Variants in PCBP3 observed in about 807,000 individuals in gnomAD.
PCBP3 encodes poly(rC)-binding protein 3.
In PCBP3, 25 loss-of-function variants were observed where a neutral mutation model predicts 52.7. The observed-to-expected ratio is 0.47, with a 90% CI of 0.35 to 0.66. The LOEUF (loss-of-function observed/expected upper bound fraction) is 0.66, where lower values mean the gene tolerates loss of function less well. Ranked by LOEUF, PCBP3 falls within the 30% of genes least tolerant of loss-of-function variation. The pLI, the probability that PCBP3 is intolerant of heterozygous loss-of-function variation, is 0.01. For missense variants in PCBP3, 391 were observed against 490.3 expected (o/e 0.80, Z 1.91); for synonymous variants, 162 against 183.0 (o/e 0.89, Z 0.93).
At chr21:45,913,012 A>G (rs1032573734) in intron 11 of PCBP3, among the ~76,000 whole-genome samples, 7 of 152,128 alleles carry the variant, frequency 4.6e-5, no homozygotes, top group African/African-American at 1.4e-4. Context: ...TCCCAGCAGG[A>G]CAGGCTGCCC....
At chr21:45,752,201 G>A (rs547333517) in intron 3 of PCBP3, among the ~76,000 whole-genome samples, 6 of 152,002 alleles carry the variant, frequency 3.9e-5, no homozygotes, top group Non-Finnish European at 7.4e-5. Flanking sequence ...AGATTAAAGA[G>A]GAAATTACTC....
At chr21:45,804,510 G>A (rs1035928082) in intron 4 of PCBP3, among the ~76,000 whole-genome samples, 1 of 152,148 alleles carries the variant, frequency 6.6e-6, no homozygotes, top group Admixed American at 6.5e-5. Context: ...TCTTGGGGGA[G>A]ATGTTTGGTG....
intron 4 of PCBP3, among the ~76,000 whole-genome samples, chr21:45,769,655 C>T (rs577823741): frequency 1.1e-4 from 17 of 152,222 alleles, no homozygotes; most frequent in Non-Finnish European, 1.5e-4. Flanking sequence ...TGCCTCTGCC[C>T]CACCCATGGT....
intron 5 of PCBP3, among the ~76,000 whole-genome samples, chr21:45,850,527 C>T (rs1408024300): frequency 1.3e-5 from 2 of 152,162 alleles, no homozygotes; most frequent in Admixed American, 6.5e-5. Context: ...TGATACCCTG[C>T]AGACATTAGT....
At chr21:45,761,418 T>C (rs1237147773) in intron 4 of PCBP3, 1 of 152,276 alleles carries the variant, frequency 6.6e-6, no homozygotes, top group East Asian at 1.9e-4. Flanking sequence ...TCGCAAGCTG[T>C]GTCCATTTTA....
At chr21:45,815,921 AGT>A (rs1430813252) in intron 4 of PCBP3, among the ~76,000 whole-genome samples, 1 of 102,378 alleles carries the variant, frequency 9.8e-6, no homozygotes, top group Non-Finnish European at 1.9e-5. Context: ...GTGAGTGATG[AGT>A]GAGTGGTGAG....
chr21:45,779,171 T>G (rs759170833), intron 4 of PCBP3, among the ~76,000 whole-genome samples: 2 of 152,258 alleles, frequency 1.3e-5, no homozygotes, highest in Non-Finnish European at 2.9e-5. Flanking sequence ...TTGAAAATGG[T>G]GCCTTGCTGT....
intron 3 of PCBP3, among the ~76,000 whole-genome samples, chr21:45,751,852 G>A (rs1014780341): frequency 1.6e-4 from 24 of 152,178 alleles, no homozygotes; most frequent in Non-Finnish European, 7.3e-5. Context: ...GTAGCTCAGC[G>A]TGGTTTTAAT....
intron 13 of PCBP3, chr21:45,918,764 C>CACT (rs1569496647): frequency 6.2e-5 from 6 of 97,146 alleles, no homozygotes; most frequent in African/African-American, 1.9e-4. Flanking sequence ...GATAAACGGT[C>CACT]GGTGTAATTC....
chr21:45,730,057 A>G (rs1344253896), intron 2 of PCBP3, among the ~76,000 whole-genome samples: 1 of 151,808 alleles, frequency 6.6e-6, no homozygotes, highest in African/African-American at 2.4e-5. Flanking sequence ...TTTTCAGCTT[A>G]TAGATTTTTA....
At chr21:45,799,018 G>A (rs998273251) in intron 4 of PCBP3, among the ~76,000 whole-genome samples, 4 of 148,180 alleles carry the variant, frequency 2.7e-5, no homozygotes, top group African/African-American at 9.9e-5. Flanking sequence ...AGAGTGAATG[G>A]ATGTGTACAT....
intron 5 of PCBP3, chr21:45,872,954 G>A (rs973612842): frequency 6.6e-6 from 1 of 152,164 alleles, no homozygotes; most frequent in Non-Finnish European, 1.5e-5. Context: ...TGGAACATGA[G>A]TTGGAATTTC....
rs529016524 is a variant in PCBP3 at position 45,790,825 on chromosome 21, A to G, written c.-126+35373A>G. On this transcript the variant is annotated intron_variant, in intron 4 of 17. Transcript: ENST00000681687. ...TTAGACTTGGCGGGCAACAAAAGCAAAAGTGGGGTGCTCTGGAGAGGGAGA... is the reference window on the plus strand; with the variant it reads ...TTAGACTTGGCGGGCAACAAAAGCAGAAGTGGGGTGCTCTGGAGAGGGAGA... Among the ~76,000 whole-genome samples the G allele has an allele frequency of 1.8e-4, 27 of 152,284 alleles. No individual in the cohort carries two copies. In the South Asian group the frequency reaches 4.2e-3, roughly 23 times the overall value.
chr21:45,890,150 C>A (rs2095617469), intron 5 of PCBP3, among the ~76,000 whole-genome samples: 1 of 152,246 alleles, frequency 6.6e-6, no homozygotes, highest in South Asian at 2.1e-4. Flanking sequence ...GAGAATGGAG[C>A]AGACAGGTCA....
At chr21:45,701,650 T>G (rs1378412578) in intron 2 of PCBP3, among the ~76,000 whole-genome samples, 1 of 152,216 alleles carries the variant, frequency 6.6e-6, no homozygotes, top group African/African-American at 2.4e-5. Flanking sequence ...AACCTCTGCC[T>G]CACAATCTCA....
rs118172669 is a variant in PCBP3, at chr21:45,852,287, C to T, written c.10+2192C>T. Among the ~76,000 whole-genome samples, 578 of 152,292 alleles carry T rather than the reference C, an allele frequency of 3.8e-3. 2 individuals carry two copies. The highest frequency in any genetic ancestry group is 6.2e-3 in the Non-Finnish European group (425 of 68,034). ...CGGCTTCGAAGGTCGAGGCAAGGAA[C>T]GTGGCCTGGAAAAGACAAGGGAAAA... On this transcript the variant is annotated intron_variant, in intron 5 of 17. Transcript: ENST00000681687.
At chr21:45,787,345 A>G (rs1699469372) in intron 4 of PCBP3, among the ~76,000 whole-genome samples, 1 of 151,956 alleles carries the variant, frequency 6.6e-6, no homozygotes, top group Non-Finnish European at 1.5e-5. Context: ...CCTGGGCCCA[A>G]GTGATCCTTC....
intron 5 of PCBP3, among the ~76,000 whole-genome samples, chr21:45,851,949 T>G (rs1044905250): frequency 6.6e-6 from 1 of 152,072 alleles, no homozygotes; most frequent in Non-Finnish European, 1.5e-5. Context: ...ATAATAAAGC[T>G]CCCCAGCCCT....
At chr21:45,662,493 C>T (rs932180900) in intron 1 of PCBP3, among the ~76,000 whole-genome samples, 4 of 151,520 alleles carry the variant, frequency 2.6e-5, no homozygotes, top group East Asian at 3.9e-4. Flanking sequence ...TTTCTGTGGG[C>T]GGCAAGCCAC....
Sources: gnomAD v4.1 joint callset for allele counts (sites outside exome capture counted in the v4.1 genomes callset) on GRCh38, gnomAD v4.1.1 for gene constraint, MANE v1.5 for transcripts, NCBI Gene and HGNC (gene_info 2026-07-23, HGNC 2026-07-21) for gene names.